The following RNF144A variants were observed in gnomAD, a reference collection of about 807,000 sequenced individuals.
RNF144A encodes the protein E3 ubiquitin-protein ligase RNF144A.
Under a neutral mutation model 38.7 loss-of-function variants are expected in RNF144A, and 11 were observed. That is an observed-to-expected ratio of 0.28 (90% CI 0.18 to 0.47). RNF144A has a LOEUF of 0.47. Among genes scored for constraint, RNF144A ranks in the 20% least tolerant of loss-of-function variants. The pLI, the probability that RNF144A is intolerant of heterozygous loss-of-function variation, is 0.99. For synonymous variants in RNF144A, 149 were observed against 143.9 expected, an observed-to-expected ratio of 1.04 and a Z score of -0.25; for missense variants, 316 against 377.2, an observed-to-expected ratio of 0.84 and a Z score of 1.34.
At chr2:7,060,220 C>A (rs1673899487) in intron 6 of RNF144A, among the ~76,000 whole-genome samples, 1 of 152,066 alleles carries the variant, frequency 6.6e-6, no homozygotes, top group African/African-American at 2.4e-5. Flanking sequence ...TTGGCACTTT[C>A]CTCAAAACAT....
intron 5 of RNF144A, among the ~76,000 whole-genome samples, chr2:7,018,186 G>C (rs142254638): frequency 6.6e-6 from 1 of 152,214 alleles, no homozygotes; most frequent in Non-Finnish European, 1.5e-5. Context: ...GGGGACAGCA[G>C]TGAGACGGAA....
intron 2 of RNF144A, among the ~76,000 whole-genome samples, chr2:6,979,272 G>T (rs994408481): frequency 1.3e-5 from 2 of 152,172 alleles, no homozygotes; most frequent in South Asian, 2.1e-4. Flanking sequence ...TCACAGGGAG[G>T]GTGGGAGATG....
chr2:6,992,555 C>G (rs1339537312), intron 2 of RNF144A, among the ~76,000 whole-genome samples: 3 of 152,166 alleles, frequency 2.0e-5, no homozygotes, highest in Non-Finnish European at 4.4e-5. Context: ...GAGAGTGTCC[C>G]AGGCAACTGG....
chr2:7,043,008 C>T lies in RNF144A; in HGVS notation c.*3248C>T, dbSNP rs978312424. On this transcript the variant is annotated 3_prime_UTR_variant, in exon 9 of 9. Transcript: ENST00000320892. ...TCAGCCTCCCAAGTAGCTGGGATTA[C>T]AGGCACCCACCACCTCACCCAGCTA... The T allele has an allele frequency of 1.9e-5, 9 of 470,190 alleles. No individual in the cohort carries two copies. The Admixed American group carries it at 3.8e-4, about 20-fold the overall frequency. The allele number at this position is 470,190 out of a possible 1,614,324, so 29.1% of individuals were successfully genotyped here.
intron 3 of RNF144A, 65 bp downstream of exon 3, chr2:6,997,126 CAG>C: frequency 6.5e-7 from 1 of 1,532,080 alleles, no homozygotes; most frequent in Non-Finnish European, 9.0e-7. Context: ...CTTTCATTTG[CAG>C]AGACACTAGG....
the RNF144A span, among the ~76,000 whole-genome samples, chr2:7,074,925 T>C: frequency 4.6e-5 from 7 of 151,796 alleles, no homozygotes; most frequent in Non-Finnish European, 8.8e-5. Context: ...GAAGAGGAGG[T>C]TCTCAATTTT....
intron 2 of RNF144A, among the ~76,000 whole-genome samples, chr2:6,976,222 A>G (rs533987928): frequency 1.3e-5 from 2 of 152,364 alleles, no homozygotes; most frequent in Admixed American, 1.3e-4. Flanking sequence ...AACTCCAGCC[A>G]GTAAGGTGTG....
downstream of RNF144A, among the ~76,000 whole-genome samples, chr2:7,068,662 T>C (rs950815784): frequency 1.1e-4 from 16 of 152,118 alleles, 1 homozygote; most frequent in Admixed American, 1.3e-4. Context: ...TTGCTGAGCA[T>C]AACGGAAGCA....
Position 7,041,358 on chromosome 2 carries a change from A to AG in RNF144A, c.*1598_*1599insG. ...CCTAACATTGAATTCGTTAGAAAAA[A>AG]CAGCGTCACCTCACTCTTCACCTGT... On this transcript the variant is annotated 3_prime_UTR_variant, in exon 9 of 9. Transcript: ENST00000320892. 1.0e-6 allele frequency: 1 copy of AG among 985,864 alleles called. No individual in the cohort carries two copies. The highest frequency in any genetic ancestry group is 1.2e-6 in the Non-Finnish European group (1 of 829,938). The allele number at this position is 985,864 out of a possible 1,614,324, so 61.1% of individuals were successfully genotyped here. A position where few individuals can be genotyped will look rare whatever the true frequency, so the allele number is the denominator to read the frequency against.
chr2:7,015,843 G>C (rs938606879), intron 5 of RNF144A, among the ~76,000 whole-genome samples: 5 of 152,120 alleles, frequency 3.3e-5, no homozygotes, highest in African/African-American at 1.2e-4. Context: ...TTCTTGACCT[G>C]AGCAGGGTCT....
At chr2:6,964,789 G>A (rs1360151457) in intron 2 of RNF144A, among the ~76,000 whole-genome samples, 2 of 151,442 alleles carry the variant, frequency 1.3e-5, no homozygotes, top group Admixed American at 6.6e-5. Flanking sequence ...ATGGACACAG[G>A]AAGGGGAACA....
At chr2:6,952,394 T>G (rs911248141) in intron 2 of RNF144A, among the ~76,000 whole-genome samples, 12 of 4,132 alleles carry the variant, frequency 2.9e-3, no homozygotes, top group African/African-American at 4.8e-3. Flanking sequence ...GAGGGAGGGT[T>G]TTTTTTTTTT....
chr2:6,985,308 C>T (rs1424290449), intron 2 of RNF144A, among the ~76,000 whole-genome samples: 3 of 125,774 alleles, frequency 2.4e-5, no homozygotes, highest in Admixed American at 9.2e-5. Flanking sequence ...ATGAGAAGAT[C>T]GTTAAAGGCA....
chr2:6,929,376 G>A (rs983039114), intron 1 of RNF144A, among the ~76,000 whole-genome samples: 4 of 152,146 alleles, frequency 2.6e-5, no homozygotes, highest in Non-Finnish European at 4.4e-5. Flanking sequence ...ACTTCCATAG[G>A]GTGAATGTAC....
rs1666181971 is a variant in RNF144A at position 6,944,034 on chromosome 2, T to G, written c.-12+2887T>G. On this transcript the variant is annotated intron_variant, in intron 2 of 8. Transcript: ENST00000320892. The surrounding 1 kb of genome is among the most constrained non-coding windows in gnomAD (Gnocchi z 4.7). ...GGATTGAGTGATCTTTTGGCCAAGC[T>G]GAGAGGGACACAGTGAAAGAATGGC... is the stretch of plus-strand genomic sequence containing the variant. 1.3e-5 allele frequency among the ~76,000 whole-genome samples: 2 copies of G among 152,038 alleles called. No homozygotes were observed. Among genetic ancestry groups the G allele is most frequent in the African/African-American group, 2.4e-5 (1 of 41,370 alleles).
At chr2:6,926,152 C>T (rs1664850989) in intron 1 of RNF144A, among the ~76,000 whole-genome samples, 1 of 152,146 alleles carries the variant, frequency 6.6e-6, no homozygotes, top group Non-Finnish European at 1.5e-5. Flanking sequence ...TTTCCTTTGC[C>T]CCATCATGCA....
At chr2:6,921,443 T>C (rs1370064272) in intron 1 of RNF144A, among the ~76,000 whole-genome samples, 1 of 152,234 alleles carries the variant, frequency 6.6e-6, no homozygotes, top group East Asian at 1.9e-4. Flanking sequence ...GGGCTTTGCT[T>C]GCATCGTGGA....
intron 2 of RNF144A, among the ~76,000 whole-genome samples, chr2:6,991,288 A>G (rs1454293188): frequency 6.6e-6 from 1 of 152,226 alleles, no homozygotes; most frequent in Non-Finnish European, 1.5e-5. Flanking sequence ...CTAAAGCGTC[A>G]TGAAGCCATA....
intron 1 of RNF144A, among the ~76,000 whole-genome samples, chr2:6,932,796 G>A (rs1171302532): frequency 6.6e-6 from 1 of 152,146 alleles, no homozygotes; most frequent in Non-Finnish European, 1.5e-5. Context: ...TCAATCAATT[G>A]ATAACCAATG....
Sources: gnomAD v4.1 joint callset for allele counts (sites outside exome capture counted in the v4.1 genomes callset) on GRCh38, gnomAD v4.1.1 for gene constraint, Gnocchi (gnomAD v3.1) non-coding constraint, MANE v1.5 for transcripts, NCBI Gene and HGNC (gene_info 2026-07-23, HGNC 2026-07-21) for gene names.